CDH2: variants seen among roughly 807,000 people sequenced by gnomAD.
CDH2 encodes cadherin 2, also known as cadherin-2.
In CDH2, 17 loss-of-function variants were observed where a neutral mutation model predicts 92.0. The observed-to-expected ratio is 0.18, with a 90% confidence interval of 0.13 to 0.28. The LOEUF (loss-of-function observed/expected upper bound fraction) is 0.28. Among genes scored for constraint, CDH2 ranks in the 10% least tolerant of loss-of-function variants. The pLI is 1.00. For synonymous variants in CDH2, 419 were observed against 415.9 expected (o/e 1.01, Z -0.09); for missense variants, 862 against 1,133.1 (o/e 0.76, Z 3.44).
chr18:28,036,685 G>A (rs1422175973), intron 2 of CDH2: 7 of 655,578 alleles, frequency 1.1e-5, no homozygotes, highest in Non-Finnish European at 1.9e-5. Context: ...CTGGAATACT[G>A]ACCGTCAGCA....
In CDH2 at chr18:28,017,085, T is replaced by C. The variant is rs893962465; in HGVS notation, c.173-3176A>G. Among the ~76,000 whole-genome samples, 43 of 152,150 alleles carry C rather than the reference T, an allele frequency of 2.8e-4. 1 individual carries two copies. Among genetic ancestry groups the C allele is most frequent in the Non-Finnish European group, 4.4e-5 (3 of 68,016 alleles). ...TCATTGCTCTGTTGTAGTTTTTTGT[T>C]GTTGTTCTTATGTCCCTTCCTGGTT... is the stretch of plus-strand genomic sequence containing the variant. On this transcript the variant is annotated intron_variant, in intron 2 of 15. Coordinates refer to ENST00000269141, the MANE Select transcript of CDH2 (RefSeq NM_001792.5).
At chr18:27,962,600 A>G (rs1161737554) in intron 15 of CDH2, among the ~76,000 whole-genome samples, 1 of 152,202 alleles carries the variant, frequency 6.6e-6, no homozygotes, top group Non-Finnish European at 1.5e-5. Flanking sequence ...GAGTTCTGCC[A>G]TATATTCACA....
chr18:28,159,928 A>AT (rs1358983376), intron 1 of CDH2, among the ~76,000 whole-genome samples: 1 of 152,184 alleles, frequency 6.6e-6, no homozygotes, highest in Non-Finnish European at 1.5e-5. Context: ...AAGTGCTGGG[A>AT]TTACAGGCGT....
At chr18:28,160,006 G>C (rs1440981932) in intron 1 of CDH2, among the ~76,000 whole-genome samples, 1 of 152,090 alleles carries the variant, frequency 6.6e-6, no homozygotes, top group African/African-American at 2.4e-5. Flanking sequence ...TGTGTAGGGT[G>C]GCTGGTTTTT....
chr18:28,176,001 CG>C lies in CDH2; in HGVS notation c.60+961del, dbSNP rs1054243452. Among the ~76,000 whole-genome samples the C allele has an allele frequency of 1.3e-3, 194 of 152,320 alleles. 2 individuals are homozygous for C. The highest frequency in any genetic ancestry group is 3.7e-4 in the Non-Finnish European group (25 of 68,038). ...GTCGGGAGGAGCCTGGGGGCATCCT[CG>C]GGTTGGAGGCGGCGGAAAGTTGGGC... On this transcript the variant is annotated intron_variant, in intron 1 of 15. Coordinates refer to ENST00000269141, the MANE Select transcript of CDH2 (RefSeq NM_001792.5).
At chr18:28,039,975 A>G (rs1296559207) in intron 2 of CDH2, among the ~76,000 whole-genome samples, 1 of 152,240 alleles carries the variant, frequency 6.6e-6, no homozygotes, top group Non-Finnish European at 1.5e-5. Flanking sequence ...CTGACCGGCA[A>G]TGCCAAAATC....
At position 28,166,149 on chromosome 18, in the gene CDH2, CAT is replaced by C. The variant is rs35562216; in HGVS notation, c.60+10812_60+10813del. ...CAAAGAGGAGTAATTCAGACACACT[CAT>C]ATATATATATATATATATATATGTC... is the stretch of plus-strand genomic sequence containing the variant. On this transcript the variant is annotated intron_variant, in intron 1 of 15. Transcript: ENST00000269141. 3.4e-3 allele frequency among the ~76,000 whole-genome samples: 202 copies of C among 59,274 alleles called. 6 individuals are homozygous for C. The highest frequency in any genetic ancestry group is 0.017 in the South Asian group (24 of 1,384). 38.9% of individuals were successfully genotyped at this position (59,274 alleles called of 152,430 possible).
At chr18:27,986,217 G>T (rs191820349) in intron 11 of CDH2, among the ~76,000 whole-genome samples, 8 of 152,100 alleles carry the variant, frequency 5.3e-5, no homozygotes, top group Non-Finnish European at 1.2e-4. Context: ...TTGACTTAAC[G>T]CAACAGTCTA....
chr18:27,994,580 C>A (rs1456119003), intron 7 of CDH2, among the ~76,000 whole-genome samples: 3 of 152,140 alleles, frequency 2.0e-5, no homozygotes, highest in African/African-American at 4.8e-5. Flanking sequence ...GCAGATAGAT[C>A]AAAAACAGTG....
At chr18:27,933,064 T>C (rs1908938611) in exon 7 of CDH2, among the ~76,000 whole-genome samples, 2 of 152,150 alleles carry the variant, frequency 1.3e-5, no homozygotes, top group Admixed American at 1.3e-4. Context: ...GATGCATTGC[T>C]GAGATCATGG....
At chr18:28,053,084 C>G (rs2014224050) in intron 2 of CDH2, among the ~76,000 whole-genome samples, 1 of 152,086 alleles carries the variant, frequency 6.6e-6, no homozygotes, top group Non-Finnish European at 1.5e-5. Context: ...GGAGAAGAAG[C>G]CTTCAAAGAA....
intron 14 of CDH2, among the ~76,000 whole-genome samples, chr18:27,976,803 G>A (rs1454716692): frequency 6.6e-6 from 1 of 152,156 alleles, no homozygotes; most frequent in Non-Finnish European, 1.5e-5. Flanking sequence ...ACCACTGACT[G>A]AGCACCATTT....
At chr18:28,008,702 C>T (rs528309596) in intron 5 of CDH2, among the ~76,000 whole-genome samples, 59 of 151,844 alleles carry the variant, frequency 3.9e-4, no homozygotes, top group African/African-American at 1.4e-3. Context: ...TGTGACAAAC[C>T]TGCACGTTGT....
At chr18:28,166,593 T>A (rs2016389318) in intron 1 of CDH2, among the ~76,000 whole-genome samples, 3 of 152,160 alleles carry the variant, frequency 2.0e-5, no homozygotes, top group Non-Finnish European at 1.5e-5. Flanking sequence ...ATGTACACAA[T>A]TACTTTTATG....
At position 27,959,814 on chromosome 18, in the gene CDH2, C is replaced by T. The variant is rs17521978; in HGVS notation, c.2514+3543G>A. Among the ~76,000 whole-genome samples the T allele has an allele frequency of 8.0e-3, 1,218 of 152,216 alleles. 15 individuals carry two copies. The highest frequency in any genetic ancestry group is 0.027 in the African/African-American group (1,113 of 41,524). ...ATTTCTAGCTGAAGATATTTGATTG[C>T]TCCTCTCCTTCACATTTCTCTATCT... On this transcript the variant is annotated intron_variant, in intron 15 of 15. Transcript: ENST00000269141.
chr18:27,935,543 T>C (rs1253749154), intron 6 of CDH2, among the ~76,000 whole-genome samples: 1 of 152,134 alleles, frequency 6.6e-6, no homozygotes, highest in Non-Finnish European at 1.5e-5. Flanking sequence ...AGCCAAACCA[T>C]ATCACCATGA....
chr18:28,060,282 G>GT (rs1409355034), intron 2 of CDH2, among the ~76,000 whole-genome samples: 1 of 152,088 alleles, frequency 6.6e-6, no homozygotes, highest in African/African-American at 2.4e-5. Context: ...TGCCTCCCAG[G>GT]TTCAAGCAAT....
downstream of CDH2, among the ~76,000 whole-genome samples, chr18:27,947,950 C>T (rs1053656022): frequency 2.0e-5 from 3 of 148,078 alleles, no homozygotes; most frequent in South Asian, 2.2e-4. Context: ...AGTGTGTATA[C>T]GGTAAAGAAT....
At chr18:28,011,184 C>T (rs2013088737) in intron 4 of CDH2, among the ~76,000 whole-genome samples, 1 of 151,898 alleles carries the variant, frequency 6.6e-6, no homozygotes, top group South Asian at 2.1e-4. Flanking sequence ...AGTGGGAATA[C>T]AGCAGCCTTG....
Sources: allele counts gnomAD v4.1 joint callset (sites outside exome capture counted in the v4.1 genomes callset), GRCh38; gene constraint gnomAD v4.1.1; transcripts MANE v1.5; gene names NCBI Gene and HGNC (gene_info 2026-07-23, HGNC 2026-07-21).